NTM: variants seen among roughly 807,000 people sequenced by gnomAD.
NTM encodes the protein neurotrimin, also known as IgLON family member 2.
NTM carries 13 observed loss-of-function variants against 42.1 expected under a neutral mutation model. The ratio of observed to expected loss-of-function variants is 0.31; its 90% CI spans 0.20 to 0.49. The LOEUF is 0.49. Ranked by LOEUF, NTM falls within the 20% of genes least tolerant of loss-of-function variation. NTM has a pLI of 0.99. For synonymous variants in NTM, 187 were observed against 179.2 expected (o/e 1.04, Z -0.35); for missense variants, 373 against 452.8 (o/e 0.82, Z 1.60).
chr11:132,144,566 G>A lies in NTM; in HGVS notation c.168-1716G>A, dbSNP rs1041336445. 2.0e-5 allele frequency among the ~76,000 whole-genome samples: 3 copies of A among 152,322 alleles called. No individual in the cohort carries two copies. In the East Asian group the frequency reaches 5.8e-4, roughly 29 times the overall value. On this transcript the variant is annotated intron_variant, in intron 2 of 8. Coordinates refer to ENST00000683400, the MANE Select transcript of NTM (RefSeq NM_001352005.2). ...CCATATTAGTGGTTTTGAAACATTA[G>A]TGTGTGTATGACCCAACTGAGATGT...
In NTM at chr11:131,982,845, G is replaced by A. The variant is rs116346682; in HGVS notation, c.167+71197G>A. Among the ~76,000 whole-genome samples, 452 of 152,250 alleles carry A rather than the reference G, an allele frequency of 3.0e-3. 4 individuals carry two copies. Among genetic ancestry groups the A allele is most frequent in the African/African-American group, 0.01 (431 of 41,558 alleles). Reference sequence around the variant, plus strand: ...AAAAAAGCCAATTTAATCAAGGCAAGATTTAACACAAAGAAAGGACCTGGT... The same window carrying A: ...AAAAAAGCCAATTTAATCAAGGCAAAATTTAACACAAAGAAAGGACCTGGT... On this transcript the variant is annotated intron_variant, in intron 2 of 8. Transcript: ENST00000683400.
chr11:132,047,964 C>T (rs1161236830), intron 2 of NTM, among the ~76,000 whole-genome samples: 1 of 152,106 alleles, frequency 6.6e-6, no homozygotes, highest in Admixed American at 6.5e-5. Context: ...CACTTTCTAC[C>T]CAACTTAGCA....
At chr11:132,131,027 G>C (rs1227074519) in intron 2 of NTM, among the ~76,000 whole-genome samples, 1 of 152,220 alleles carries the variant, frequency 6.6e-6, no homozygotes, top group Non-Finnish European at 1.5e-5. Context: ...TTTGCATGCT[G>C]TCATGTGCAA....
chr11:132,147,774 G>T (rs905344618), intron 3 of NTM, among the ~76,000 whole-genome samples: 30 of 152,214 alleles, frequency 2.0e-4, no homozygotes, highest in African/African-American at 7.0e-4. Flanking sequence ...CCTTCCACCA[G>T]TCCCCTTGTC....
intron 2 of NTM, among the ~76,000 whole-genome samples, chr11:132,123,747 G>A (rs944610353): frequency 6.6e-6 from 1 of 152,224 alleles, no homozygotes; most frequent in African/African-American, 2.4e-5. Context: ...AGCCTGGGCA[G>A]GCAAACAGGA....
intron 1 of NTM, among the ~76,000 whole-genome samples, chr11:131,588,064 C>G (rs1433040798): frequency 6.6e-6 from 1 of 152,214 alleles, no homozygotes; most frequent in Non-Finnish European, 1.5e-5. Context: ...TTTAATTTTA[C>G]ATCACCATAT....
chr11:131,518,596 T>C (rs1015908110), intron 1 of NTM, among the ~76,000 whole-genome samples: 1 of 152,226 alleles, frequency 6.6e-6, no homozygotes, highest in African/African-American at 2.4e-5. Flanking sequence ...ACTGGACTCA[T>C]TCAAAATTGA....
At chr11:131,592,838 C>T (rs570336046) in intron 1 of NTM, among the ~76,000 whole-genome samples, 29 of 152,306 alleles carry the variant, frequency 1.9e-4, no homozygotes, top group African/African-American at 6.7e-4. Context: ...CCCCTGCCTC[C>T]CCACAATGCT....
In NTM at chr11:131,490,895, C is replaced by T. The variant is rs182981770; in HGVS notation, c.82+120007C>T. Among the ~76,000 whole-genome samples the T allele has an allele frequency of 2.8e-3, 428 of 152,316 alleles. 1 individual carries two copies. Among genetic ancestry groups the T allele is most frequent in the Non-Finnish European group, 4.8e-3 (325 of 68,032 alleles). On this transcript the variant is annotated intron_variant, in intron 1 of 8. Transcript: ENST00000683400. ...CAAATGTACTTTATGTACCACACAT[C>T]CTGTCTATGCATATTACATTCTTGC...
intron 1 of NTM, among the ~76,000 whole-genome samples, chr11:131,865,738 C>CAT (rs60383955): frequency 0.65 from 92,193 of 142,822 alleles, 30,264 homozygotes; most frequent in East Asian, 0.88. Flanking sequence ...TGCTCTCACA[C>CAT]GTTGCACACA....
intron 2 of NTM, among the ~76,000 whole-genome samples, chr11:131,936,539 A>G (rs1303147386): frequency 2.0e-5 from 3 of 152,214 alleles, no homozygotes; most frequent in Non-Finnish European, 4.4e-5. Context: ...AATGGATACA[A>G]TGTATACTAC....
At chr11:131,450,128 CACTT>C (rs1485647990) in intron 1 of NTM, among the ~76,000 whole-genome samples, 1 of 152,158 alleles carries the variant, frequency 6.6e-6, no homozygotes, top group Non-Finnish European at 1.5e-5. Flanking sequence ...AAGTCACTGC[CACTT>C]ACTTTGTCCT....
At chr11:131,525,788 C>T (rs1284733640) in intron 1 of NTM, among the ~76,000 whole-genome samples, 1 of 152,144 alleles carries the variant, frequency 6.6e-6, no homozygotes, top group African/African-American at 2.4e-5. Context: ...TGATCTTCAG[C>T]TCCCTCATTT....
chr11:131,667,472 G>A (rs748414804), intron 1 of NTM, among the ~76,000 whole-genome samples: 1 of 152,160 alleles, frequency 6.6e-6, no homozygotes, highest in Non-Finnish European at 1.5e-5. Flanking sequence ...TGCTTTGTAT[G>A]TAAGCATTCA....
intron 1 of NTM, among the ~76,000 whole-genome samples, chr11:131,377,161 G>T (rs1591500280): frequency 1.3e-5 from 2 of 152,292 alleles, no homozygotes; most frequent in East Asian, 3.9e-4. Context: ...TTGGGAAGAG[G>T]AGGTGCACAC....
rs35718606 is a variant in NTM, at chr11:131,484,736, A to AT, written c.82+113855dup. On this transcript the variant is annotated intron_variant, in intron 1 of 8. Transcript: ENST00000683400. ...AGTCTGGGTCTGAAGTCCTAAAGACATTTTTTTGCATGCTCTTCCTTCATT... is the reference window on the plus strand; with the variant it reads ...AGTCTGGGTCTGAAGTCCTAAAGACATTTTTTTTGCATGCTCTTCCTTCATT... Among the ~76,000 whole-genome samples the AT allele has an allele frequency of 7.7e-3, 1,175 of 152,220 alleles. 10 individuals carry two copies. Among genetic ancestry groups the AT allele is most frequent in the Middle Eastern group, 0.024 (7 of 294 alleles).
chr11:132,162,415 CAT>C (rs1365497199), intron 3 of NTM, among the ~76,000 whole-genome samples: 2 of 129,678 alleles, frequency 1.5e-5, no homozygotes, highest in Non-Finnish European at 3.1e-5. Flanking sequence ...ATTTGTGGGA[CAT>C]GTGTTAATGT....
At chr11:132,303,061 C>A (rs1447679782) in intron 4 of NTM, among the ~76,000 whole-genome samples, 1 of 152,190 alleles carries the variant, frequency 6.6e-6, no homozygotes, top group Non-Finnish European at 1.5e-5. Context: ...AATTATATAA[C>A]CATTCATGTC....
intron 3 of NTM, among the ~76,000 whole-genome samples, chr11:132,206,378 C>G (rs934516338): frequency 1.3e-5 from 2 of 152,142 alleles, no homozygotes; most frequent in African/African-American, 4.8e-5. Context: ...AATTTATGGA[C>G]TGTCCATTCT....
Sources: gnomAD v4.1 joint callset for allele counts (sites outside exome capture counted in the v4.1 genomes callset) on GRCh38, gnomAD v4.1.1 for gene constraint, MANE v1.5 for transcripts, NCBI Gene and HGNC (gene_info 2026-07-23, HGNC 2026-07-21) for gene names.